ELMO1: variants seen among roughly 807,000 people sequenced by gnomAD.
ELMO1 encodes the protein engulfment and cell motility protein 1.
Under a neutral mutation model 98.9 loss-of-function variants are expected in ELMO1, and 26 were observed. The observed-to-expected ratio is 0.26, with a 90% CI of 0.19 to 0.36. The LOEUF (loss-of-function observed/expected upper bound fraction) is 0.36, where lower values mean the gene tolerates loss of function less well. ELMO1 is among the 10% of genes least tolerant of loss of function. The probability of loss-of-function intolerance (pLI) is 1.00; values close to 1 mark genes in which losing one functional copy is unlikely to be tolerated. For missense variants in ELMO1, 627 were observed against 935.2 expected (o/e 0.67, Z 4.30); for synonymous variants, 346 against 346.0 (o/e 1.00, Z 0.00).
At chr7:37,015,912 T>C (rs1793902620) in intron 15 of ELMO1, among the ~76,000 whole-genome samples, 1 of 152,154 alleles carries the variant, frequency 6.6e-6, no homozygotes. Flanking sequence ...AGATGGCAAA[T>C]GTGAAGTTTT....
intron 16 of ELMO1, among the ~76,000 whole-genome samples, chr7:36,932,478 G>C (rs1456294402): frequency 6.6e-6 from 1 of 152,206 alleles, no homozygotes; most frequent in Non-Finnish European, 1.5e-5. Context: ...CCTGCTAAAT[G>C]CAAGTCTTTG....
intron 20 of ELMO1, among the ~76,000 whole-genome samples, chr7:36,865,114 T>C (rs1345542836): frequency 6.6e-6 from 1 of 152,216 alleles, no homozygotes; most frequent in Non-Finnish European, 1.5e-5. Context: ...TAGAGTTGTA[T>C]GCAACATATT....
At chr7:37,215,516 C>CA (rs1793229225) in intron 11 of ELMO1, among the ~76,000 whole-genome samples, 1 of 152,164 alleles carries the variant, frequency 6.6e-6, no homozygotes, top group Non-Finnish European at 1.5e-5. Context: ...ACCCACCCCC[C>CA]ACTCCTCTAC....
intron 1 of ELMO1, among the ~76,000 whole-genome samples, chr7:37,369,504 GA>G (rs1802028541): frequency 6.6e-6 from 1 of 152,036 alleles, no homozygotes; most frequent in Non-Finnish European, 1.5e-5. Flanking sequence ...GGGGCAAAAT[GA>G]AATCAGCCTC....
intron 15 of ELMO1, among the ~76,000 whole-genome samples, chr7:37,048,012 A>G (rs1281020379): frequency 6.6e-6 from 1 of 152,258 alleles, no homozygotes; most frequent in Non-Finnish European, 1.5e-5. Context: ...ATCATAAATC[A>G]TTGGTTTGCC....
chr7:36,892,793 C>T (rs145708348), intron 17 of ELMO1, among the ~76,000 whole-genome samples: 16 of 152,298 alleles, frequency 1.1e-4, no homozygotes, highest in African/African-American at 3.8e-4. Context: ...AATGCTGTGG[C>T]TCCTAACCAC....
At chr7:36,911,518 T>C (rs1272904697) in intron 16 of ELMO1, among the ~76,000 whole-genome samples, 1 of 152,170 alleles carries the variant, frequency 6.6e-6, no homozygotes, top group Non-Finnish European at 1.5e-5. Context: ...ACTTTACTGG[T>C]ATAAAGTGCA....
intron 8 of ELMO1, among the ~76,000 whole-genome samples, chr7:37,228,042 C>T (rs1325734176): frequency 6.6e-6 from 1 of 152,222 alleles, no homozygotes; most frequent in African/African-American, 2.4e-5. Flanking sequence ...GCATTACAGT[C>T]CTATGTACAA....
chr7:37,201,620 G>A (rs1792299920), intron 13 of ELMO1, among the ~76,000 whole-genome samples: 1 of 152,220 alleles, frequency 6.6e-6, no homozygotes, highest in Non-Finnish European at 1.5e-5. Flanking sequence ...GAGACCCCAA[G>A]AACCCCTGTC....
In ELMO1 at chr7:36,894,915, T is replaced by G; in HGVS notation, c.1540A>C (p.Ile514Leu). The G allele has an allele frequency of 3.1e-6, 5 of 1,614,110 alleles. No individual in the cohort carries two copies. The highest frequency in any genetic ancestry group is 4.2e-6 in the Non-Finnish European group (5 of 1,179,994). The change falls in exon 17 of 22, where the codon ATC becomes CTC. Residue 514 changes from isoleucine (I) to leucine (L), a missense_variant. Physicochemically the swap from Ile to Leu is conservative, Grantham distance 5 (BLOSUM62 2). Transcript: ENST00000310758. The part of the protein sequence containing the change: ...SKLQNLSYTE[I>L]LKIRQSERMN... ...CTCTCGGACTGGCGGATTTTCAGGA[T>G]CTCAGTGTAGCTCAGGTTCTGCAGT... is the stretch of plus-strand genomic sequence containing the variant.
At chr7:37,362,257 C>G (rs997541224) in intron 1 of ELMO1, among the ~76,000 whole-genome samples, 1 of 151,250 alleles carries the variant, frequency 6.6e-6, no homozygotes, top group African/African-American at 2.4e-5. Flanking sequence ...CATCCTTGTG[C>G]CAGGTATTAC....
At chr7:37,017,666 G>A (rs770547858) in intron 15 of ELMO1, among the ~76,000 whole-genome samples, 1 of 152,160 alleles carries the variant, frequency 6.6e-6, no homozygotes, top group African/African-American at 2.4e-5. Flanking sequence ...AAAAATGAGG[G>A]CTATACCCTA....
intron 11 of ELMO1, among the ~76,000 whole-genome samples, chr7:37,213,665 C>T (rs1464214053): frequency 6.6e-6 from 1 of 152,060 alleles, no homozygotes; most frequent in African/African-American, 2.4e-5. Flanking sequence ...CATGAAAAAA[C>T]CTACTGTGGG....
At chr7:37,201,176 G>C (rs146980562) in intron 13 of ELMO1, among the ~76,000 whole-genome samples, 1 of 152,080 alleles carries the variant, frequency 6.6e-6, no homozygotes, top group Non-Finnish European at 1.5e-5. Context: ...CACATGTCAA[G>C]AGTCAGATCA....
At chr7:37,392,715 C>A (rs1728922323) in intron 1 of ELMO1, among the ~76,000 whole-genome samples, 1 of 152,204 alleles carries the variant, frequency 6.6e-6, no homozygotes, top group South Asian at 2.1e-4. Context: ...TCTATGTTTA[C>A]CAAATGCTCT....
intron 14 of ELMO1, among the ~76,000 whole-genome samples, chr7:37,115,081 C>G (rs150026368): frequency 3.9e-5 from 6 of 152,228 alleles, no homozygotes; most frequent in African/African-American, 1.4e-4. Context: ...AGACCTATAT[C>G]TATTAAAGGA....
chr7:37,112,796 T>C (rs1025917806), intron 14 of ELMO1, among the ~76,000 whole-genome samples: 2 of 152,212 alleles, frequency 1.3e-5, no homozygotes, highest in Non-Finnish European at 2.9e-5. Context: ...TATCTGACAA[T>C]GTCAACCACT....
intron 6 of ELMO1, among the ~76,000 whole-genome samples, chr7:37,249,709 T>A (rs2541076): frequency 2.0e-5 from 3 of 152,090 alleles, no homozygotes; most frequent in African/African-American, 4.8e-5. Flanking sequence ...GTATACATAC[T>A]CTGAGTCAGG....
At chr7:36,876,877 G>A (rs991159086) in intron 19 of ELMO1, among the ~76,000 whole-genome samples, 5 of 152,180 alleles carry the variant, frequency 3.3e-5, no homozygotes, top group Admixed American at 6.5e-5. Flanking sequence ...CAATAATGTG[G>A]GCTGGGAAGA....
Sources: gnomAD v4.1 joint callset for allele counts (sites outside exome capture counted in the v4.1 genomes callset) on GRCh38, gnomAD v4.1.1 for gene constraint, MANE v1.5 for transcripts, NCBI Gene and HGNC (gene_info 2026-07-23, HGNC 2026-07-21) for gene names.